Variants in ARHGAP1 observed in about 807,000 individuals in gnomAD.
ARHGAP1 encodes the protein rho GTPase-activating protein 1.
A neutral mutation model predicts 52.2 loss-of-function variants in ARHGAP1; 23 were observed. The observed-to-expected ratio is 0.44, with a 90% confidence interval of 0.32 to 0.62. The LOEUF is 0.62. Ranked by LOEUF, ARHGAP1 falls within the 20% of genes least tolerant of loss-of-function variation. ARHGAP1 has a pLI of 0.05. For missense variants in ARHGAP1, 480 were observed against 560.9 expected, an observed-to-expected ratio of 0.86 and a Z score of 1.46; for synonymous variants, 210 against 228.4, an observed-to-expected ratio of 0.92 and a Z score of 0.73.
At chr11:46,694,283 G>A (rs550355908) in intron 3 of ARHGAP1, among the ~76,000 whole-genome samples, 189 of 151,150 alleles carry the variant, frequency 1.3e-3, no homozygotes, top group Non-Finnish European at 2.2e-3. Flanking sequence ...TGCTATTTCC[G>A]ACTCCCAGGC....
At chr11:46,694,244 C>A (rs966847376) in intron 3 of ARHGAP1, among the ~76,000 whole-genome samples, 2 of 152,136 alleles carry the variant, frequency 1.3e-5, no homozygotes, top group South Asian at 2.1e-4. Flanking sequence ...CAGCCTCCCC[C>A]ACCCCCATCC....
Position 46,679,944 on chromosome 11 carries a change from C to T in ARHGAP1, c.899-168G>A. The T allele has an allele frequency of 8.4e-7, 1 of 1,196,794 alleles. No homozygotes were observed. The highest frequency in any genetic ancestry group is 1.1e-6 in the Non-Finnish European group (1 of 873,808). 74.1% of individuals were successfully genotyped at this position (1,196,794 alleles called of 1,614,324 possible). A position where few individuals can be genotyped will look rare whatever the true frequency, so the allele number is the denominator to read the frequency against. Reference sequence around the variant, plus strand: ...CCTCTTCCTCTGTGATCAGAGAATGCAGGTTCCGGCCATCTGGGGAAGTGG... The same window carrying T: ...CCTCTTCCTCTGTGATCAGAGAATGTAGGTTCCGGCCATCTGGGGAAGTGG... On this transcript the variant is annotated intron_variant, in intron 10 of 12. Coordinates refer to ENST00000311956, the MANE Select transcript of ARHGAP1 (RefSeq NM_004308.5). This position sits in a 1 kb window ranked among gnomAD's most constrained non-coding sequence, Gnocchi z 4.4.
Position 46,699,815 on chromosome 11 carries a change from T to C in ARHGAP1, c.-50+736A>G, listed in dbSNP as rs116722012. Reference sequence around the variant, plus strand: ...ACTCTCAACTACAATTATGTTTGCATAGAGCTTCACGGTTTACAAAGCCCA... The same window carrying C: ...ACTCTCAACTACAATTATGTTTGCACAGAGCTTCACGGTTTACAAAGCCCA... On this transcript the variant is annotated intron_variant, in intron 1 of 12. Transcript: ENST00000311956. 9.4e-3 allele frequency among the ~76,000 whole-genome samples: 1,438 copies of C among 152,258 alleles called. 25 individuals carry two copies. The highest frequency in any genetic ancestry group is 0.033 in the African/African-American group (1,380 of 41,550).
Position 46,677,877 on chromosome 11 carries a change from A to C in ARHGAP1, c.*1160T>G. ...AGGCAGGAGAATTGCTTGAACCCAG[A>C]AGGCGGAGGTGTGCCGAGATCGCGC... On this transcript the variant is annotated 3_prime_UTR_variant, in exon 13 of 13. Coordinates refer to ENST00000311956, the MANE Select transcript of ARHGAP1 (RefSeq NM_004308.5). 1 of 414,150 alleles carries C rather than the reference A, an allele frequency of 2.4e-6. No homozygotes were observed. The highest frequency in any genetic ancestry group is 1.7e-5 in the South Asian group (1 of 58,066). 25.7% of individuals were successfully genotyped at this position (414,150 alleles called of 1,614,324 possible).
At chr11:46,683,037 C>CTTTTT (rs66603634) in intron 4 of ARHGAP1, among the ~76,000 whole-genome samples, 5 of 108,786 alleles carry the variant, frequency 4.6e-5, no homozygotes, top group Non-Finnish European at 7.0e-5. Flanking sequence ...CCAAAGCCTG[C>CTTTTT]TTTTTTTTTT....
At chr11:46,695,344 G>C (rs536729624) in intron 3 of ARHGAP1, 33 of 401,848 alleles carry the variant, frequency 8.2e-5, no homozygotes, top group African/African-American at 6.2e-4. Flanking sequence ...AGGGTGGAGG[G>C]GTAGGAGGGC....
chr11:46,680,940 G>C lies in ARHGAP1; in HGVS notation c.635+71C>G. ...GGCTTGCTCTGCCTAAGCCCCACGCGGTCTCTGAATCAGGACACACGTCCT... is the reference window on the plus strand; with the variant it reads ...GGCTTGCTCTGCCTAAGCCCCACGCCGTCTCTGAATCAGGACACACGTCCT... On this transcript the variant is annotated intron_variant, in intron 7 of 12. Coordinates refer to ENST00000311956, the MANE Select transcript of ARHGAP1 (RefSeq NM_004308.5). This position sits in a 1 kb window ranked among gnomAD's most constrained non-coding sequence, Gnocchi z 5.9. The C allele has an allele frequency of 2.8e-6, 4 of 1,408,538 alleles. No individual in the cohort carries two copies. Among genetic ancestry groups the C allele is most frequent in the Non-Finnish European group, 4.0e-6 (4 of 1,002,150 alleles). 87.3% of individuals were successfully genotyped at this position (1,408,538 alleles called of 1,614,324 possible).
At position 46,680,123 on chromosome 11, in the gene ARHGAP1, C is replaced by T. The variant is rs1046032865; in HGVS notation, c.898+82G>A. Reference sequence around the variant, plus strand: ...TCCAGCAGGAAGAGACTCTGAGACTCTCATTTACAGGGCAGCAGAGGGCAG... The same window carrying T: ...TCCAGCAGGAAGAGACTCTGAGACTTTCATTTACAGGGCAGCAGAGGGCAG... On this transcript the variant is annotated intron_variant, in intron 10 of 12. Transcript: ENST00000311956. The surrounding 1 kb of genome is among the most constrained non-coding windows in gnomAD (Gnocchi z 5.9). The T allele has an allele frequency of 2.7e-6, 4 of 1,472,306 alleles. No individual in the cohort carries two copies. Among genetic ancestry groups the T allele is most frequent in the Non-Finnish European group, 1.9e-6 (2 of 1,054,472 alleles). The allele number at this position is 1,472,306 out of a possible 1,614,324, so 91.2% of individuals were successfully genotyped here. A position where few individuals can be genotyped will look rare whatever the true frequency, so the allele number is the denominator to read the frequency against.
At chr11:46,685,261 T>C (rs1268989006) in intron 4 of ARHGAP1, among the ~76,000 whole-genome samples, 1 of 151,806 alleles carries the variant, frequency 6.6e-6, no homozygotes, top group African/African-American at 2.4e-5. Context: ...TTTATGGCTA[T>C]GTATATTTTT....
rs2064510787 is a variant in ARHGAP1 at position 46,679,920 on chromosome 11, C to T, written c.899-144G>A. On this transcript the variant is annotated intron_variant, in intron 10 of 12. Transcript: ENST00000311956. This position sits in a 1 kb window ranked among gnomAD's most constrained non-coding sequence, Gnocchi z 4.4. ...GGGGCGCCCTCTGACACCTGCCTCC[C>T]TCTTCCTCTGTGATCAGAGAATGCA... 1 of 1,315,442 alleles carries T rather than the reference C, an allele frequency of 7.6e-7. No individual in the cohort carries two copies. Among genetic ancestry groups the T allele is most frequent in the South Asian group, 1.5e-5 (1 of 68,780 alleles). The allele number at this position is 1,315,442 out of a possible 1,614,324, so 81.5% of individuals were successfully genotyped here. A position where few individuals can be genotyped will look rare whatever the true frequency, so the allele number is the denominator to read the frequency against.
In ARHGAP1 at chr11:46,688,235, G is replaced by C; in HGVS notation, c.255C>G (p.Ile85Met). 1.2e-6 allele frequency: 2 copies of C among 1,614,024 alleles called. No individual in the cohort carries two copies. The highest frequency in any genetic ancestry group is 3.3e-5 in the Admixed American group (2 of 60,012). ...GCATTCGACAGGCACTAAACACAAT[G>C]ATCTTCCGCCCATACTTGTCATCTC... ...VAGDDKYGRK[I>M]IVFSACRMPP... is the part of the protein sequence containing the mutation. Residue 85 changes from isoleucine (I) to methionine (M), a missense_variant, in exon 4 of 13, where the codon ATC becomes ATG. Physicochemically the swap from Ile to Met is conservative, Grantham distance 10. Coordinates refer to ENST00000311956, the MANE Select transcript of ARHGAP1 (RefSeq NM_004308.5).
Position 46,680,906 on chromosome 11 carries a change from C to T in ARHGAP1, c.635+105G>A, listed in dbSNP as rs78333980. 1,666 of 1,170,788 alleles carry T rather than the reference C, an allele frequency of 1.4e-3. 2 individuals are homozygous for T. The highest frequency in any genetic ancestry group is 1.9e-3 in the Non-Finnish European group (1,570 of 809,564). The allele number at this position is 1,170,788 out of a possible 1,614,324, so 72.5% of individuals were successfully genotyped here. A position where few individuals can be genotyped will look rare whatever the true frequency, so the allele number is the denominator to read the frequency against. On this transcript the variant is annotated intron_variant, in intron 7 of 12. Coordinates refer to ENST00000311956, the MANE Select transcript of ARHGAP1 (RefSeq NM_004308.5). The surrounding 1 kb of genome is among the most constrained non-coding windows in gnomAD (Gnocchi z 5.9). ...CAGAAAGCAAAGACCTGGGAGAGGT[C>T]GGGACACGGGCTTGCTCTGCCTAAG...
chr11:46,683,933 C>T lies in ARHGAP1; in HGVS notation c.318-1751G>A, dbSNP rs566159948. Among the ~76,000 whole-genome samples, 7 of 152,366 alleles carry T rather than the reference C, an allele frequency of 4.6e-5. No homozygotes were observed. The South Asian group carries it at 1.0e-3, about 23-fold the overall frequency. The stretch of plus-strand genomic sequence containing the variant: ...GGGATTACAGGCATGAGCCACTGCG[C>T]CCGGCCATAGAGCCCTCTTTCTAGT... On this transcript the variant is annotated intron_variant, in intron 4 of 12. Coordinates refer to ENST00000311956, the MANE Select transcript of ARHGAP1 (RefSeq NM_004308.5).
At chr11:46,683,087 G>A (rs2064541221) in intron 4 of ARHGAP1, among the ~76,000 whole-genome samples, 1 of 136,932 alleles carries the variant, frequency 7.3e-6, no homozygotes, top group Non-Finnish European at 1.5e-5. Context: ...CACCCAGGCT[G>A]GGGCACCGTA....
At chr11:46,686,302 G>A (rs904112184) in intron 4 of ARHGAP1, among the ~76,000 whole-genome samples, 2 of 151,186 alleles carry the variant, frequency 1.3e-5, no homozygotes, top group African/African-American at 2.4e-5. Context: ...GACTTGTGGC[G>A]CCCAGCCACA....
chr11:46,684,909 G>A (rs574211046), intron 4 of ARHGAP1, among the ~76,000 whole-genome samples: 2 of 151,842 alleles, frequency 1.3e-5, no homozygotes, highest in South Asian at 4.2e-4. Flanking sequence ...CCAACATGAT[G>A]AAACCCTCTC....
At position 46,688,178 on chromosome 11, in the gene ARHGAP1, G is replaced by C; in HGVS notation, c.312C>G (p.Leu104=). Reference sequence around the variant, plus strand: ...ACTTCCCAGCAGGTACTCACCCCAGGAGCTTGCTGTGGTCGAGCTGGTGGC... The same window carrying C: ...ACTTCCCAGCAGGTACTCACCCCAGCAGCTTGCTGTGGTCGAGCTGGTGGC... ...PPSHQLDHSK[L]LGYLKHTLDQ... Residue 104 remains leucine, a synonymous_variant, in exon 4 of 13, where the codon CTC becomes CTG. Transcript: ENST00000311956. 6.2e-7 allele frequency: 1 copy of C among 1,613,576 alleles called. No individual in the cohort carries two copies. The highest frequency in any genetic ancestry group is 8.5e-7 in the Non-Finnish European group (1 of 1,179,658).
At chr11:46,685,332 T>C (rs975113158) in intron 4 of ARHGAP1, among the ~76,000 whole-genome samples, 3 of 150,252 alleles carry the variant, frequency 2.0e-5, no homozygotes, top group Non-Finnish European at 4.4e-5. Context: ...GTATATTCTT[T>C]TTTTTTTTTT....
At position 46,680,859 on chromosome 11, in the gene ARHGAP1, G is replaced by C. The variant is rs1295792123; in HGVS notation, c.636-112C>G. The C allele has an allele frequency of 9.3e-7, 1 of 1,077,064 alleles. No homozygotes were observed. Among genetic ancestry groups the C allele is most frequent in the African/African-American group, 1.6e-5 (1 of 63,382 alleles). 66.7% of individuals were successfully genotyped at this position (1,077,064 alleles called of 1,614,324 possible). The stretch of plus-strand genomic sequence containing the variant: ...AGGAGGATCATCTCATGCGATCTCT[G>C]TAACAACTCCGCTTTCCACAGCAGA... On this transcript the variant is annotated intron_variant, in intron 7 of 12. Coordinates refer to ENST00000311956, the MANE Select transcript of ARHGAP1 (RefSeq NM_004308.5). The surrounding 1 kb of genome is among the most constrained non-coding windows in gnomAD (Gnocchi z 5.9).
Sources: allele counts gnomAD v4.1 joint callset (sites outside exome capture counted in the v4.1 genomes callset), GRCh38; gene constraint gnomAD v4.1.1; non-coding constraint Gnocchi (gnomAD v3.1); transcripts MANE v1.5; gene names NCBI Gene and HGNC (gene_info 2026-07-23, HGNC 2026-07-21).